The following TNFSF4 variants were observed in gnomAD, a reference collection of about 807,000 sequenced individuals.
The protein encoded by TNFSF4 is tumor necrosis factor ligand superfamily member 4.
A neutral mutation model predicts 7.3 loss-of-function variants in TNFSF4; 4 were observed. That is an observed-to-expected ratio of 0.55 (90% CI 0.27 to 1.25). The LOEUF is 1.25. Among genes scored for constraint, TNFSF4 ranks in the 50% most tolerant of loss-of-function variants. The pLI is 0.12. For synonymous variants in TNFSF4, 76 were observed against 83.7 expected (o/e 0.91, Z 0.50); for missense variants, 181 against 208.8 (o/e 0.87, Z 0.82).
At chr1:173,203,287 C>A (rs1650024866) in intron 1 of TNFSF4, among the ~76,000 whole-genome samples, 1 of 152,094 alleles carries the variant, frequency 6.6e-6, no homozygotes, top group Non-Finnish European at 1.5e-5. Flanking sequence ...AATACCTGCC[C>A]CCAAATTCAA....
the TNFSF4 span, among the ~76,000 whole-genome samples, chr1:173,389,890 GTT>G: frequency 6.6e-6 from 1 of 151,812 alleles, no homozygotes; most frequent in African/African-American, 2.4e-5. Flanking sequence ...GTTGAGCTTT[GTT>G]TCTCTTTTTT....
the TNFSF4 span, among the ~76,000 whole-genome samples, chr1:173,381,557 C>T: frequency 1.3e-5 from 2 of 152,290 alleles, no homozygotes; most frequent in African/African-American, 4.8e-5. Context: ...AAATGGAACC[C>T]CAAATGAGCT....
At chr1:173,315,725 T>C in the TNFSF4 span, among the ~76,000 whole-genome samples, 2 of 152,198 alleles carry the variant, frequency 1.3e-5, no homozygotes, top group African/African-American at 4.8e-5. Flanking sequence ...GAATTGCTTA[T>C]CAAGATTGTG....
the TNFSF4 span, among the ~76,000 whole-genome samples, chr1:173,433,423 G>A: frequency 1.3e-5 from 2 of 152,106 alleles, no homozygotes; most frequent in Non-Finnish European, 2.9e-5. Flanking sequence ...GGCCAGGCGA[G>A]ATGGTTCACA....
downstream of TNFSF4, among the ~76,000 whole-genome samples, chr1:173,182,673 A>G (rs1362338350): frequency 1.3e-5 from 2 of 152,232 alleles, no homozygotes; most frequent in Non-Finnish European, 2.9e-5. Context: ...TAATAACACA[A>G]GTGATTACAA....
the TNFSF4 span, among the ~76,000 whole-genome samples, chr1:173,253,050 T>C: frequency 2.6e-5 from 4 of 152,340 alleles, no homozygotes; most frequent in East Asian, 7.7e-4. Context: ...CTTAAATCCA[T>C]TCACTCTGTC....
At chr1:173,441,590 C>T in the TNFSF4 span, among the ~76,000 whole-genome samples, 1 of 152,188 alleles carries the variant, frequency 6.6e-6, no homozygotes. Flanking sequence ...AGCCACTGCA[C>T]TCCAGCCTGG....
the TNFSF4 span, among the ~76,000 whole-genome samples, chr1:173,405,461 T>C: frequency 6.6e-6 from 1 of 152,216 alleles, no homozygotes; most frequent in Non-Finnish European, 1.5e-5. Context: ...CAGGTCACAG[T>C]TTACCAATCC....
chr1:173,206,933 C>T (rs1460672769), intron 1 of TNFSF4, 91 bp downstream of exon 1: 2 of 1,420,298 alleles, frequency 1.4e-6, no homozygotes, highest in Non-Finnish European at 1.9e-6. Context: ...ACACTTTTGG[C>T]ATAAGATTAT....
At chr1:173,443,032 T>C in the TNFSF4 span, among the ~76,000 whole-genome samples, 1 of 152,168 alleles carries the variant, frequency 6.6e-6, no homozygotes, top group East Asian at 1.9e-4. Flanking sequence ...GTCTAACAGA[T>C]CCTTGCCAGA....
chr1:173,185,515 G>T lies in TNFSF4; in HGVS notation c.*1001C>A, dbSNP rs1281896430. The T allele has an allele frequency of 6.6e-6, 1 of 152,138 alleles. No homozygotes were observed. Among genetic ancestry groups the T allele is most frequent in the Non-Finnish European group, 1.5e-5 (1 of 68,018 alleles). 9.4% of individuals were successfully genotyped at this position (152,138 alleles called of 1,614,324 possible). On this transcript the variant is annotated 3_prime_UTR_variant, in exon 3 of 3. Coordinates refer to ENST00000281834, the MANE Select transcript of TNFSF4 (RefSeq NM_003326.5). ...TGCTATTTGACATCAGATTGAATTT[G>T]ATAATAGGATCACCTCATTTCTTGA... is the stretch of plus-strand genomic sequence containing the variant.
At chr1:173,242,207 T>C in the TNFSF4 span, among the ~76,000 whole-genome samples, 1 of 152,166 alleles carries the variant, frequency 6.6e-6, no homozygotes. Flanking sequence ...GAGGATAAAG[T>C]TAGAGTGGCC....
Position 173,185,499 on chromosome 1 carries a change from A to C in TNFSF4, c.*1017T>G, listed in dbSNP as rs1649184496. The C allele has an allele frequency of 6.6e-6, 1 of 152,198 alleles. No individual in the cohort carries two copies. Among genetic ancestry groups the C allele is most frequent in the Non-Finnish European group, 1.5e-5 (1 of 68,028 alleles). The allele number at this position is 152,198 out of a possible 1,614,324, so 9.4% of individuals were successfully genotyped here. Reference sequence around the variant, plus strand: ...CACAATAACTTCTTAGTGCTATTTGACATCAGATTGAATTTGATAATAGGA... The same window carrying C: ...CACAATAACTTCTTAGTGCTATTTGCCATCAGATTGAATTTGATAATAGGA... On this transcript the variant is annotated 3_prime_UTR_variant, in exon 3 of 3. Transcript: ENST00000281834.
the TNFSF4 span, among the ~76,000 whole-genome samples, chr1:173,279,403 C>T: frequency 2.2e-4 from 33 of 152,140 alleles, 1 homozygote; most frequent in South Asian, 3.3e-3. Context: ...CCTCAGTCCT[C>T]GTTCTTATCC....
the TNFSF4 span, among the ~76,000 whole-genome samples, chr1:173,437,394 A>T: frequency 6.6e-6 from 1 of 152,084 alleles, no homozygotes; most frequent in African/African-American, 2.4e-5. Flanking sequence ...ATTATTAATT[A>T]TTTGCTTATT....
the TNFSF4 span, among the ~76,000 whole-genome samples, chr1:173,366,750 T>C: frequency 9.2e-5 from 14 of 151,856 alleles, no homozygotes; most frequent in East Asian, 2.5e-3. Flanking sequence ...CCCACAAACA[T>C]ATGCACTGAA....
the TNFSF4 span, among the ~76,000 whole-genome samples, chr1:173,243,137 T>TAC: frequency 6.6e-6 from 1 of 151,754 alleles, no homozygotes; most frequent in Non-Finnish European, 1.5e-5. Flanking sequence ...AATAGACCTC[T>TAC]CACAAGATGG....
the TNFSF4 span, among the ~76,000 whole-genome samples, chr1:173,229,057 T>A: frequency 6.6e-6 from 1 of 151,842 alleles, no homozygotes; most frequent in Admixed American, 6.6e-5. Context: ...AGACCAACAA[T>A]CAAATTCAGG....
chr1:173,190,239 C>T (rs192454132), intron 1 of TNFSF4, among the ~76,000 whole-genome samples: 301 of 152,202 alleles, frequency 2.0e-3, no homozygotes, highest in Non-Finnish European at 3.8e-3. Context: ...CCAAGAACAA[C>T]GGCTCTTCCC....
Sources: allele counts gnomAD v4.1 joint callset (sites outside exome capture counted in the v4.1 genomes callset), GRCh38; gene constraint gnomAD v4.1.1; transcripts MANE v1.5; gene names NCBI Gene and HGNC (gene_info 2026-07-23, HGNC 2026-07-21).